Variants in THSD1 observed in about 807,000 individuals in gnomAD.
THSD1 encodes thrombospondin type-1 domain-containing protein 1.
A neutral mutation model predicts 46.3 loss-of-function variants in THSD1; 34 were observed. The observed-to-expected ratio is 0.74, with a 90% CI of 0.56 to 0.98. THSD1 has a LOEUF of 0.98. Among genes scored for constraint, THSD1 ranks in the 50% least tolerant of loss-of-function variants. THSD1 has a pLI of 0.00. For missense variants in THSD1, 1,023 were observed against 1,058.3 expected (o/e 0.97, Z 0.46); for synonymous variants, 407 against 416.5 (o/e 0.98, Z 0.28).
At chr13:52,379,402 T>C (rs929640031) in intron 4 of THSD1, among the ~76,000 whole-genome samples, 6 of 152,026 alleles carry the variant, frequency 3.9e-5, no homozygotes, top group Middle Eastern at 3.2e-3. Flanking sequence ...GTGACTCCCA[T>C]GCTCACCAGC....
intron 4 of THSD1, among the ~76,000 whole-genome samples, chr13:52,379,240 T>TA (rs985634642): frequency 6.6e-6 from 1 of 152,242 alleles, no homozygotes; most frequent in African/African-American, 2.4e-5. Context: ...ATCTAGCAGT[T>TA]AAGGAATGAT....
rs757505669 is a variant in THSD1 at position 52,384,207 on chromosome 13, G to A, written c.1180+1821C>T. The A allele has an allele frequency of 6.1e-3, 1,533 of 251,280 alleles. 6 individuals are homozygous for A. The highest frequency in any genetic ancestry group is 0.018 in the African/African-American group (722 of 39,764). 15.6% of individuals were successfully genotyped at this position (251,280 alleles called of 1,614,324 possible). On this transcript the variant is annotated intron_variant, in intron 4 of 4. Coordinates refer to ENST00000258613, the MANE Select transcript of THSD1 (RefSeq NM_018676.4). ...CTCAAAAAAAAAAAAAAAAAAAGAA[G>A]AAGAAGATGCCAGAATATGACATAA...
Position 52,404,377 on chromosome 13 carries a change from G to C in THSD1, c.-82+1654C>G, listed in dbSNP as rs558111917. ...GCCAGAATTCAATGGAAGGGAAACT[G>C]GTGTGTCTTATTAGCTTTCTTTCAG... On this transcript the variant is annotated intron_variant, in intron 1 of 4. Coordinates refer to ENST00000258613, the MANE Select transcript of THSD1 (RefSeq NM_018676.4). 2.0e-5 allele frequency among the ~76,000 whole-genome samples: 3 copies of C among 152,272 alleles called. No individual in the cohort carries two copies. In the South Asian group the frequency reaches 6.2e-4, roughly 32 times the overall value.
chr13:52,403,481 T>C (rs941259835), intron 1 of THSD1, among the ~76,000 whole-genome samples: 1 of 152,138 alleles, frequency 6.6e-6, no homozygotes, highest in Non-Finnish European at 1.5e-5. Context: ...GCACTTATTT[T>C]ATTTTATTTA....
intron 3 of THSD1, among the ~76,000 whole-genome samples, chr13:52,387,952 G>A (rs1369817622): frequency 2.0e-5 from 3 of 152,050 alleles, no homozygotes; most frequent in Non-Finnish European, 4.4e-5. Flanking sequence ...TATCCAAGAT[G>A]CTCAGAAAAC....
At chr13:52,405,737 T>C (rs1190304181) in intron 1 of THSD1, among the ~76,000 whole-genome samples, 2 of 152,220 alleles carry the variant, frequency 1.3e-5, no homozygotes, top group African/African-American at 2.4e-5. Flanking sequence ...AAAGAAACAG[T>C]AGCTCAAGAC....
chr13:52,386,234 A>G lies in THSD1; in HGVS notation c.1022-48T>C, dbSNP rs756325137. ...TTTAATGCTAGTTCATTTGAGAATCAGTATTTAACTGCACCCAAATGAAAC... is the reference window on the plus strand; with the variant it reads ...TTTAATGCTAGTTCATTTGAGAATCGGTATTTAACTGCACCCAAATGAAAC... On this transcript the variant is annotated intron_variant, in intron 3 of 4. Coordinates refer to ENST00000258613, the MANE Select transcript of THSD1 (RefSeq NM_018676.4). 2.5e-6 allele frequency: 4 copies of G among 1,570,652 alleles called. No homozygotes were observed. In the African/African-American group the frequency reaches 4.1e-5, roughly 16 times the overall value.
At chr13:52,387,138 T>G (rs1048205850) in intron 3 of THSD1, among the ~76,000 whole-genome samples, 11 of 152,184 alleles carry the variant, frequency 7.2e-5, no homozygotes, top group Admixed American at 4.6e-4. Flanking sequence ...AAAGCCTCTC[T>G]GATGTGCAGG....
At chr13:52,389,425 A>G (rs1957757117) in intron 3 of THSD1, among the ~76,000 whole-genome samples, 1 of 152,238 alleles carries the variant, frequency 6.6e-6, no homozygotes, top group Non-Finnish European at 1.5e-5. Flanking sequence ...ATATAATGAT[A>G]AAACTAAATA....
chr13:52,405,949 G>A (rs994925810), intron 1 of THSD1, 82 bp downstream of exon 1: 3 of 152,248 alleles, frequency 2.0e-5, no homozygotes, highest in Non-Finnish European at 4.4e-5. Flanking sequence ...GCAGAGTCCG[G>A]AGGCATTTCC....
chr13:52,377,285 A>G lies in THSD1; in HGVS notation c.*126T>C. ...CTTGTGAATTCAAACACATGCATAC[A>G]CACACATCCTCCTCTGTGTGTTACT... On this transcript the variant is annotated 3_prime_UTR_variant, in exon 5 of 5. Transcript: ENST00000258613. 1.5e-6 allele frequency: 2 copies of G among 1,373,738 alleles called. No homozygotes were observed. The highest frequency in any genetic ancestry group is 1.4e-5 in the African/African-American group (1 of 69,152). 85.1% of individuals were successfully genotyped at this position (1,373,738 alleles called of 1,614,324 possible).
chr13:52,384,432 G>A (rs1282918023), intron 4 of THSD1: 1 of 455,752 alleles, frequency 2.2e-6, no homozygotes, highest in Admixed American at 2.4e-5. Context: ...CATCTGCAAT[G>A]TGGAAATAAG....
Position 52,378,315 on chromosome 13 carries a change from T to C in THSD1, c.1655A>G (p.Tyr552Cys). The C allele has an allele frequency of 6.2e-7, 1 of 1,614,222 alleles. No homozygotes were observed. Among genetic ancestry groups the C allele is most frequent in the Non-Finnish European group, 8.5e-7 (1 of 1,180,040 alleles). ...TGTCAGGGGACTCTGAGACACGTGA[T>C]ACACTTTGGTAGTTTCCGTCAGACC... The part of the protein sequence containing the change: ...KKGLTETTKV[Y>C]HVSQSPLTDT... Residue 552 changes from tyrosine (Y) to cysteine (C), a missense_variant, in exon 5 of 5, where the codon TAT (tyrosine) becomes TGT (cysteine). Coordinates refer to ENST00000258613, the MANE Select transcript of THSD1 (RefSeq NM_018676.4).
At chr13:52,394,222 G>A (rs1248626553) in intron 3 of THSD1, among the ~76,000 whole-genome samples, 1 of 152,240 alleles carries the variant, frequency 6.6e-6, no homozygotes, top group Non-Finnish European at 1.5e-5. Flanking sequence ...GCCCCCATGT[G>A]ACCTTAATTA....
At chr13:52,398,237 G>C in intron 2 of THSD1, 43 bp from the exon 3 acceptor site, 1 of 1,568,126 alleles carries the variant, frequency 6.4e-7, no homozygotes, top group Non-Finnish European at 8.6e-7. Context: ...AGGTGCATTT[G>C]AGAAGAACTA....
Position 52,397,543 on chromosome 13 carries a change from G to A in THSD1, c.710C>T (p.Ala237Val). 6.2e-7 allele frequency: 1 copy of A among 1,614,148 alleles called. No homozygotes were observed. Among genetic ancestry groups the A allele is most frequent in the South Asian group, 1.1e-5 (1 of 91,074 alleles). ...VITSTGPIDL[A>V]QKFGYKLVMV... ...CACCAGTTTGTATCCAAATTTCTGG[G>A]CCAGGTCAATGGGTCCTGTGGAGGT... The change falls in exon 3 of 5, where the codon GCC becomes GTC. Residue 237 changes from alanine to valine, a missense_variant. Physicochemically the swap from Ala to Val is moderately conservative, Grantham distance 64. Around this residue, in one of 3 missense-constraint regions of THSD1, gnomAD observed 429 missense variants for 518.3 expected, o/e 0.83. Coordinates refer to ENST00000258613, the MANE Select transcript of THSD1 (RefSeq NM_018676.4).
intron 2 of THSD1, chr13:52,399,909 T>A (rs1481688846): frequency 6.5e-6 from 1 of 154,864 alleles, no homozygotes; most frequent in Non-Finnish European, 1.4e-5. Flanking sequence ...AACAAAGTCA[T>A]ACTAATTTGG....
At chr13:52,402,795 A>C (rs1957875085) in intron 1 of THSD1, 114 bp from the exon 2 acceptor site, 3 of 1,377,060 alleles carry the variant, frequency 2.2e-6, no homozygotes, top group Non-Finnish European at 2.8e-6. Context: ...TATTGAAAGG[A>C]AACTAGAGAG....
chr13:52,384,226 GA>G (rs2137728392), intron 4 of THSD1: 1 of 314,046 alleles, frequency 3.2e-6, no homozygotes, highest in African/African-American at 2.2e-5. Flanking sequence ...GCCAGAATAT[GA>G]CATAATATCA....
Sources: gnomAD v4.1 joint callset for allele counts (sites outside exome capture counted in the v4.1 genomes callset) on GRCh38, gnomAD v4.1.1 for gene constraint, gnomAD v4.1.1 regional missense constraint, MANE v1.5 for transcripts, NCBI Gene and HGNC (gene_info 2026-07-23, HGNC 2026-07-21) for gene names.